The following RBFOX1 variants were observed in gnomAD, a reference collection of about 807,000 sequenced individuals.
RBFOX1 encodes the protein RNA binding protein fox-1 homolog 1.
A neutral mutation model predicts 57.7 loss-of-function variants in RBFOX1; 8 were observed. The observed-to-expected ratio is 0.14, with a 90% CI of 0.08 to 0.25. RBFOX1 has a LOEUF of 0.25. Ranked by LOEUF, RBFOX1 falls within the 10% of genes least tolerant of loss-of-function variation. The pLI is 1.00. For synonymous variants in RBFOX1, 326 were observed against 222.4 expected (o/e 1.47, Z -4.15); for missense variants, 611 against 548.5 (o/e 1.11, Z -1.14).
At chr16:7,331,866 C>T (rs73563856) in intron 4 of RBFOX1, among the ~76,000 whole-genome samples, 4,107 of 152,184 alleles carry the variant, frequency 0.027, 175 homozygotes, top group African/African-American at 0.095. Flanking sequence ...TTATCTGCTC[C>T]TATGTAACAT....
chr16:7,355,152 T>C (rs2097193159), intron 4 of RBFOX1, among the ~76,000 whole-genome samples: 1 of 152,174 alleles, frequency 6.6e-6, no homozygotes, highest in African/African-American at 2.4e-5. Flanking sequence ...GAGATGTCAA[T>C]TGCTGAAGTC....
chr16:7,111,703 G>A (rs2064810873), intron 4 of RBFOX1, among the ~76,000 whole-genome samples: 1 of 151,996 alleles, frequency 6.6e-6, no homozygotes, highest in East Asian at 1.9e-4. Flanking sequence ...GGAAGATGAG[G>A]TTAGTCTGAA....
intron 11 of RBFOX1, among the ~76,000 whole-genome samples, chr16:7,634,697 C>T (rs1478359519): frequency 6.6e-6 from 1 of 152,108 alleles, no homozygotes; most frequent in Non-Finnish European, 1.5e-5. Context: ...TTCCATCGGA[C>T]CCCAAATGAC....
intron 1 of RBFOX1, among the ~76,000 whole-genome samples, chr16:6,102,694 A>G (rs962625487): frequency 1.7e-4 from 26 of 152,254 alleles, no homozygotes; most frequent in Admixed American, 9.8e-4. Flanking sequence ...TAGAACGGTT[A>G]TTGAATCATT....
intron 11 of RBFOX1, among the ~76,000 whole-genome samples, chr16:7,638,172 CATG>C (rs761297986): frequency 6.6e-6 from 1 of 152,198 alleles, no homozygotes; most frequent in South Asian, 2.1e-4. Flanking sequence ...GCCCTGAAAT[CATG>C]ATGATATCCA....
At chr16:7,052,173 C>A in intron 4 of RBFOX1, 75 bp downstream of exon 4, 2 of 1,547,074 alleles carry the variant, frequency 1.3e-6, no homozygotes, top group South Asian at 1.3e-5. Context: ...TTGTCTCTCC[C>A]AAGACACGGG....
intron 4 of RBFOX1, among the ~76,000 whole-genome samples, chr16:7,305,493 T>C (rs181955441): frequency 5.9e-5 from 9 of 152,204 alleles, no homozygotes; most frequent in African/African-American, 1.9e-4. Context: ...TCTATGAAGG[T>C]TTACAGTGAT....
intron 1 of RBFOX1, among the ~76,000 whole-genome samples, chr16:6,083,205 G>T (rs2096033114): frequency 6.6e-6 from 1 of 152,082 alleles, no homozygotes; most frequent in Admixed American, 6.6e-5. Context: ...GTTTCACCAT[G>T]ATGGCCAAGC....
At chr16:6,922,338 A>T (rs2074646308) in intron 3 of RBFOX1, among the ~76,000 whole-genome samples, 1 of 152,250 alleles carries the variant, frequency 6.6e-6, no homozygotes, top group Admixed American at 6.5e-5. Flanking sequence ...GGTAATGGCA[A>T]GTTTCGCATG....
intron 2 of RBFOX1, among the ~76,000 whole-genome samples, chr16:6,401,449 C>T (rs890730824): frequency 1.3e-5 from 2 of 152,178 alleles, no homozygotes; most frequent in Admixed American, 6.5e-5. Flanking sequence ...TTATGATAAC[C>T]TCACCAACAT....
chr16:6,064,108 TTAA>T (rs2095726538), intron 1 of RBFOX1, among the ~76,000 whole-genome samples: 3 of 152,204 alleles, frequency 2.0e-5, no homozygotes, highest in Admixed American at 2.0e-4. Context: ...GTACTACCAA[TTAA>T]TAACAAGCTC....
rs933595560 is a variant in RBFOX1, at chr16:6,654,035, G to C, written c.-63-568G>C. On this transcript the variant is annotated intron_variant, in intron 2 of 15. Coordinates refer to ENST00000550418, the MANE Select transcript of RBFOX1 (RefSeq NM_018723.4). ...GGAAGGGTGGGTGGGTCAATGAATG[G>C]ATAGATGGGTGGATGGATAGGGGAA... Among the ~76,000 whole-genome samples the C allele has an allele frequency of 2.6e-5, 4 of 151,582 alleles. No homozygotes were observed. In the East Asian group the frequency reaches 7.8e-4, roughly 30 times the overall value.
rs554825272 is a variant in RBFOX1, at chr16:7,512,771, G to A, written c.28-5376G>A. ...GCCTCAAGGCATTTCAAAGTCAGGC[G>A]TCAGGCTTGAGGTAGTGCAGAAGTT... On this transcript the variant is annotated intron_variant, in intron 4 of 15. Transcript: ENST00000550418. Among the ~76,000 whole-genome samples the A allele has an allele frequency of 1.6e-3, 250 of 152,342 alleles. 1 individual carries two copies. The highest frequency in any genetic ancestry group is 5.4e-3 in the African/African-American group (223 of 41,578).
intron 2 of RBFOX1, among the ~76,000 whole-genome samples, chr16:6,471,006 G>A (rs551859611): frequency 2.1e-4 from 32 of 152,202 alleles, no homozygotes; most frequent in African/African-American, 7.2e-4. Flanking sequence ...CTGCACACAC[G>A]AGGGTAGCCT....
At chr16:5,956,513 A>C (rs551894766) in intron 4 of RBFOX1, among the ~76,000 whole-genome samples, 1 of 151,432 alleles carries the variant, frequency 6.6e-6, no homozygotes, top group Non-Finnish European at 1.5e-5. Flanking sequence ...TAAAAATGCA[A>C]ATCACTGGGC....
At chr16:7,497,784 A>G (rs2069178032) in intron 4 of RBFOX1, among the ~76,000 whole-genome samples, 1 of 152,222 alleles carries the variant, frequency 6.6e-6, no homozygotes, top group Non-Finnish European at 1.5e-5. Flanking sequence ...GCAGAGCAAG[A>G]TCTAACTCAG....
intron 4 of RBFOX1, among the ~76,000 whole-genome samples, chr16:7,390,071 C>A (rs2097969242): frequency 6.6e-6 from 1 of 152,060 alleles, no homozygotes. Context: ...CCTCACATGG[C>A]CAGCAGGAGA....
At chr16:5,425,368 C>G (rs192089543) in intron 1 of RBFOX1, among the ~76,000 whole-genome samples, 2 of 151,996 alleles carry the variant, frequency 1.3e-5, no homozygotes, top group South Asian at 4.2e-4. Flanking sequence ...CCTCCCAAAG[C>G]GCTGGGATTA....
intron 4 of RBFOX1, among the ~76,000 whole-genome samples, chr16:7,094,281 TA>T (rs753461177): frequency 1.7e-4 from 26 of 152,056 alleles, no homozygotes; most frequent in Non-Finnish European, 3.5e-4. Flanking sequence ...ACCAACAAGA[TA>T]ATTTCGGGAA....
Sources: allele counts gnomAD v4.1 joint callset (sites outside exome capture counted in the v4.1 genomes callset), GRCh38; gene constraint gnomAD v4.1.1; transcripts MANE v1.5; gene names NCBI Gene and HGNC (gene_info 2026-07-23, HGNC 2026-07-21).